Variants in TRIM4 observed in about 807,000 individuals in gnomAD.
TRIM4 encodes E3 ubiquitin-protein ligase TRIM4.
In TRIM4, 29 loss-of-function variants were observed where a neutral mutation model predicts 33.7. That is an observed-to-expected ratio of 0.86 (90% confidence interval 0.64 to 1.17). TRIM4 has a LOEUF of 1.17. Ranked by LOEUF, TRIM4 falls within the 50% of genes most tolerant of loss-of-function variation. The pLI is 0.00. For synonymous variants in TRIM4, 224 were observed against 233.0 expected (o/e 0.96, Z 0.35); for missense variants, 554 against 593.7 (o/e 0.93, Z 0.69).
At chr7:99,907,693 T>C (rs556538758) in intron 3 of TRIM4, among the ~76,000 whole-genome samples, 2 of 152,360 alleles carry the variant, frequency 1.3e-5, no homozygotes, top group South Asian at 4.1e-4. Context: ...ATATAAAACC[T>C]AGCTAGCAAT....
At chr7:99,903,787 A>G (rs1042769670) in intron 3 of TRIM4, among the ~76,000 whole-genome samples, 189 bp from the exon 4 acceptor site, 2 of 152,210 alleles carry the variant, frequency 1.3e-5, no homozygotes, top group Non-Finnish European at 2.9e-5. Flanking sequence ...TTATTCGACA[A>G]TGCTGCCTGC....
chr7:99,902,386 T>G (rs528616947), intron 5 of TRIM4, among the ~76,000 whole-genome samples: 1 of 152,186 alleles, frequency 6.6e-6, no homozygotes, highest in East Asian at 1.9e-4. Context: ...TAGCTGGGAT[T>G]ACAGGTGCAC....
intron 2 of TRIM4, 61 bp downstream of exon 2, chr7:99,909,504 G>T: frequency 1.3e-6 from 2 of 1,485,576 alleles, no homozygotes; most frequent in Non-Finnish European, 1.9e-6. Flanking sequence ...TCAGAAGCAA[G>T]AAATGTCCCA....
chr7:99,909,933 T>G (rs1034311702), intron 1 of TRIM4, among the ~76,000 whole-genome samples: 23 of 151,790 alleles, frequency 1.5e-4, no homozygotes, highest in African/African-American at 4.6e-4. Context: ...AGTCTCCCTA[T>G]GTTGCCCAGG....
chr7:99,910,565 G>A (rs929331855), intron 1 of TRIM4, among the ~76,000 whole-genome samples: 6 of 152,132 alleles, frequency 3.9e-5, no homozygotes, highest in Non-Finnish European at 5.9e-5. Flanking sequence ...GTGTCTATGC[G>A]CATACGTGTT....
intron 5 of TRIM4, among the ~76,000 whole-genome samples, chr7:99,902,765 C>G (rs1819204273): frequency 6.6e-6 from 1 of 151,214 alleles, no homozygotes; most frequent in East Asian, 2.0e-4. Flanking sequence ...CACCTTAGCT[C>G]ATGCTGCTGC....
rs189348196 is a variant in TRIM4 at position 99,899,699 on chromosome 7, C to T, written c.841+3519G>A. 4.5e-3 allele frequency among the ~76,000 whole-genome samples: 692 copies of T among 152,278 alleles called. 3 individuals are homozygous for T. Among genetic ancestry groups the T allele is most frequent in the African/African-American group, 0.016 (670 of 41,542 alleles). On this transcript the variant is annotated intron_variant, in intron 5 of 5. Transcript: ENST00000349062. ...GTTGAAATAGTCAATTATTAGGGTT[C>T]TCCAAAGGAACAGAACCAAAAGGAT...
chr7:99,892,127 T>G lies in TRIM4; in HGVS notation c.*36A>C. 6.5e-7 allele frequency: 1 copy of G among 1,541,950 alleles called. No homozygotes were observed. The highest frequency in any genetic ancestry group is 8.8e-7 in the Non-Finnish European group (1 of 1,138,920). ...AGGGATGTGTGTCCCTCAGCTGGAC[T>G]ACAGGGAAGGAGTTTTGGTCAGGGG... On this transcript the variant is annotated 3_prime_UTR_variant, in exon 6 of 6. Coordinates refer to ENST00000349062, the MANE Select transcript of TRIM4 (RefSeq NM_033091.3).
chr7:99,897,232 G>C (rs1054337218), intron 5 of TRIM4, among the ~76,000 whole-genome samples: 1 of 152,146 alleles, frequency 6.6e-6, no homozygotes, highest in East Asian at 1.9e-4. Context: ...TCACTACCAA[G>C]ATAAAAGAAG....
chr7:99,901,000 C>T (rs1416470620), intron 5 of TRIM4, among the ~76,000 whole-genome samples: 2 of 151,998 alleles, frequency 1.3e-5, no homozygotes, highest in Admixed American at 6.6e-5. Flanking sequence ...AAATCTTTGG[C>T]CATTATGTCT....
intron 3 of TRIM4, among the ~76,000 whole-genome samples, chr7:99,907,706 C>T (rs1819340134): frequency 6.6e-6 from 1 of 152,120 alleles, no homozygotes; most frequent in Admixed American, 6.5e-5. Flanking sequence ...CTAGCAATTT[C>T]TTATTGATAA....
At chr7:99,904,379 A>T (rs1361849580) in intron 3 of TRIM4, among the ~76,000 whole-genome samples, 1 of 152,196 alleles carries the variant, frequency 6.6e-6, no homozygotes, top group African/African-American at 2.4e-5. Context: ...GATCATCAAA[A>T]ACCAGAAAAG....
At chr7:99,912,703 G>A (rs1819474026) in intron 1 of TRIM4, among the ~76,000 whole-genome samples, 1 of 152,116 alleles carries the variant, frequency 6.6e-6, no homozygotes, top group Admixed American at 6.6e-5. Flanking sequence ...AAATGTTAAT[G>A]GTAGAATCTA....
chr7:99,896,483 G>A (rs1819019042), intron 5 of TRIM4, among the ~76,000 whole-genome samples: 4 of 152,212 alleles, frequency 2.6e-5, no homozygotes, highest in Non-Finnish European at 1.5e-5. Flanking sequence ...ACAAACAGTA[G>A]CAACTGGTTT....
rs748797738 is a variant in TRIM4 at position 99,903,576 on chromosome 7, C to T, written c.743G>A (p.Arg248Lys). 2.5e-6 allele frequency: 4 copies of T among 1,614,064 alleles called. No individual in the cohort carries two copies. The highest frequency in any genetic ancestry group is 1.7e-5 in the Admixed American group (1 of 59,982). The part of the protein sequence containing the change: ...LLQNPKEVLT[R>K]SEIQDVNYSL... ...CCCATAAGAGAACAGGAGTGCATAC[C>T]TGGTCAACACTTCTTTTGGATTCTG... The change falls in exon 4 of 6, where the codon AGG becomes AAG. Residue 248 changes from arginine (R) to lysine (K), a missense_variant and splice_region_variant. Coordinates refer to ENST00000349062, the MANE Select transcript of TRIM4 (RefSeq NM_033091.3).
chr7:99,892,863 C>G, intron 5 of TRIM4, 117 bp from the exon 6 acceptor site: 2 of 872,752 alleles, frequency 2.3e-6, no homozygotes, highest in East Asian at 5.2e-5. Flanking sequence ...ACTCATGACT[C>G]CACTGCTGCC....
intron 5 of TRIM4, among the ~76,000 whole-genome samples, chr7:99,894,048 T>C (rs537133131): frequency 1.3e-4 from 20 of 151,906 alleles, no homozygotes; most frequent in African/African-American, 4.6e-4. Flanking sequence ...CTGGGATAAA[T>C]CTCACATATT....
At chr7:99,917,784 C>T in intron 1 of TRIM4, 1 of 980,744 alleles carries the variant, frequency 1.0e-6, no homozygotes, top group Non-Finnish European at 1.2e-6. Context: ...CATATCAATT[C>T]TGCTGGAGAC....
At chr7:99,916,894 T>C (rs1819567253) in intron 1 of TRIM4, 1 of 706,822 alleles carries the variant, frequency 1.4e-6, no homozygotes. Flanking sequence ...TCCTTCATGA[T>C]AAGGCCCTGC....
Sources: gnomAD v4.1 joint callset for allele counts (sites outside exome capture counted in the v4.1 genomes callset) on GRCh38, gnomAD v4.1.1 for gene constraint, MANE v1.5 for transcripts, NCBI Gene and HGNC (gene_info 2026-07-23, HGNC 2026-07-21) for gene names.